MICAL2: variants seen among roughly 807,000 people sequenced by gnomAD.
The protein encoded by MICAL2 is microtubule associated monooxygenase, calponin and LIM domain containing 2.
MICAL2 carries 77 observed loss-of-function variants against 127.3 expected under a neutral mutation model. The ratio of observed to expected loss-of-function variants is 0.60; its 90% CI spans 0.50 to 0.73. The LOEUF is 0.73. MICAL2 is among the 30% of genes least tolerant of loss of function. The pLI is 0.00. For missense variants in MICAL2, 1,351 were observed against 1,434.4 expected (o/e 0.94, Z 0.94); for synonymous variants, 570 against 551.1 (o/e 1.03, Z -0.48).
At chr11:12,185,370 G>A (rs1001679117) in intron 3 of MICAL2, among the ~76,000 whole-genome samples, 1 of 152,084 alleles carries the variant, frequency 6.6e-6, no homozygotes, top group African/African-American at 2.4e-5. Context: ...AGGGAATTGT[G>A]AAGACGTATA....
chr11:12,258,892 C>T (rs1432411060), intron 25 of MICAL2, among the ~76,000 whole-genome samples: 2 of 152,236 alleles, frequency 1.3e-5, no homozygotes, highest in African/African-American at 4.8e-5. Flanking sequence ...ACCCACCTGG[C>T]CACAAGGTGC....
At chr11:12,261,493 G>A in intron 26 of MICAL2, 2 of 985,476 alleles carry the variant, frequency 2.0e-6, no homozygotes, top group Non-Finnish European at 2.4e-6. Context: ...ACAGCTGCAG[G>A]GTCTGGCTGA....
chr11:12,128,416 C>A (rs1851126691), intron 1 of MICAL2, among the ~76,000 whole-genome samples: 1 of 152,214 alleles, frequency 6.6e-6, no homozygotes, highest in Non-Finnish European at 1.5e-5. Flanking sequence ...AGCAGAAGCC[C>A]TGGACTAAGA....
At chr11:12,216,972 C>T (rs1007720246) in intron 8 of MICAL2, among the ~76,000 whole-genome samples, 4 of 152,212 alleles carry the variant, frequency 2.6e-5, no homozygotes, top group African/African-American at 4.8e-5. Context: ...ACTTCTCAGC[C>T]TTGTTTGCAC....
intron 32 of MICAL2, among the ~76,000 whole-genome samples, chr11:12,337,368 C>A (rs535834674): frequency 6.6e-6 from 1 of 151,900 alleles, no homozygotes; most frequent in African/African-American, 2.4e-5. Context: ...GTCTTGCTAG[C>A]GGTCTATCAA....
At chr11:12,136,456 A>C (rs1358362953) in intron 1 of MICAL2, among the ~76,000 whole-genome samples, 1 of 152,164 alleles carries the variant, frequency 6.6e-6, no homozygotes, top group Admixed American at 6.5e-5. Context: ...TTAACTACCC[A>C]AGGCAATACC....
chr11:12,187,192 C>T (rs916050828), intron 3 of MICAL2, among the ~76,000 whole-genome samples: 2 of 152,188 alleles, frequency 1.3e-5, no homozygotes, highest in African/African-American at 2.4e-5. Context: ...CTTCTTCCCT[C>T]CTCTGTAATC....
At chr11:12,239,335 C>A in intron 16 of MICAL2, 101 bp from the exon 17 acceptor site, 2 of 1,519,598 alleles carry the variant, frequency 1.3e-6, no homozygotes, top group Non-Finnish European at 1.8e-6. Context: ...GGAGGGAGCC[C>A]TTCTGCGGGA....
chr11:12,197,801 C>G (rs1468844571), intron 3 of MICAL2: 1 of 152,208 alleles, frequency 6.6e-6, no homozygotes, highest in Non-Finnish European at 1.5e-5. Flanking sequence ...CTACTGGTTA[C>G]AGTTGGTCAT....
intron 2 of MICAL2, among the ~76,000 whole-genome samples, chr11:12,286,001 G>C (rs1863822442): frequency 6.6e-6 from 1 of 152,200 alleles, no homozygotes; most frequent in Non-Finnish European, 1.5e-5. Context: ...CCTGAAGCCT[G>C]GGAATGCATC....
chr11:12,182,493 C>T (rs1349373723), intron 3 of MICAL2, among the ~76,000 whole-genome samples: 1 of 152,146 alleles, frequency 6.6e-6, no homozygotes, highest in Non-Finnish European at 1.5e-5. Context: ...CTTTAGCACA[C>T]ACGACACGAT....
At chr11:12,181,480 G>A (rs1190630593) in intron 3 of MICAL2, among the ~76,000 whole-genome samples, 4 of 152,114 alleles carry the variant, frequency 2.6e-5, no homozygotes, top group South Asian at 2.1e-4. Flanking sequence ...TTTTGTTTAC[G>A]TGAACTCAAA....
At chr11:12,279,893 T>A (rs1184151691) in intron 1 of MICAL2, among the ~76,000 whole-genome samples, 2 of 152,190 alleles carry the variant, frequency 1.3e-5, no homozygotes, top group African/African-American at 2.4e-5. Context: ...GCTTGGGCAC[T>A]CTGATGGATA....
Position 12,207,728 on chromosome 11 carries a change from C to T in MICAL2, c.473-295C>T, listed in dbSNP as rs377100140. On this transcript the variant is annotated intron_variant, in intron 4 of 27. Coordinates refer to ENST00000683283, the MANE Select transcript of MICAL2 (RefSeq NM_001282663.2). ...GCTAGAACAGGGTCTAGAAATCAGA[C>T]AGATGTGGGTCCATGTTCTAGCTTT... The T allele has an allele frequency of 1.4e-4, 37 of 258,554 alleles. No homozygotes were observed. The East Asian group carries it at 1.6e-3, about 11-fold the overall frequency. The allele number at this position is 258,554 out of a possible 1,614,324, so 16.0% of individuals were successfully genotyped here.
chr11:12,188,724 A>ATGTAACAT (rs1309239610), intron 3 of MICAL2, among the ~76,000 whole-genome samples: 2 of 152,176 alleles, frequency 1.3e-5, no homozygotes, highest in Non-Finnish European at 2.9e-5. Flanking sequence ...TGGGCAGGTT[A>ATGTAACAT]TGTAACATTT....
chr11:12,116,351 ATTTTTT>A (rs56280931), intron 1 of MICAL2, among the ~76,000 whole-genome samples: 11 of 107,734 alleles, frequency 1.0e-4, no homozygotes, highest in South Asian at 3.2e-4. Flanking sequence ...CTTGATTTTG[ATTTTTT>A]TTTTTTTTTT....
At chr11:12,118,878 G>A (rs1226968929) in intron 1 of MICAL2, among the ~76,000 whole-genome samples, 1 of 152,130 alleles carries the variant, frequency 6.6e-6, no homozygotes, top group Non-Finnish European at 1.5e-5. Flanking sequence ...TTGTTGTTTT[G>A]TTTTTTCACA....
intron 32 of MICAL2, among the ~76,000 whole-genome samples, chr11:12,349,591 A>G (rs1939014095): frequency 6.6e-6 from 1 of 152,090 alleles, no homozygotes; most frequent in East Asian, 1.9e-4. Flanking sequence ...TGGTTATGTG[A>G]CCATTGGAAC....
intron 3 of MICAL2, among the ~76,000 whole-genome samples, chr11:12,189,787 C>T (rs927483185): frequency 6.6e-6 from 1 of 152,252 alleles, no homozygotes; most frequent in Non-Finnish European, 1.5e-5. Flanking sequence ...AGGGAAAGTG[C>T]CCTAGATGCC....
Sources: allele counts gnomAD v4.1 joint callset (sites outside exome capture counted in the v4.1 genomes callset), GRCh38; gene constraint gnomAD v4.1.1; transcripts MANE v1.5; gene names NCBI Gene and HGNC (gene_info 2026-07-23, HGNC 2026-07-21).